The following TP63 variants were observed in gnomAD, a reference collection of about 807,000 sequenced individuals.
TP63 encodes the protein tumor protein p63.
In TP63, 17 loss-of-function variants were observed where a neutral mutation model predicts 82.8. The ratio of observed to expected loss-of-function variants is 0.21; its 90% confidence interval spans 0.14 to 0.31. The LOEUF is 0.31. Ranked by LOEUF, TP63 falls within the 10% of genes least tolerant of loss-of-function variation. TP63 has a pLI of 1.00. For synonymous variants in TP63, 330 were observed against 321.7 expected (o/e 1.03, Z -0.28); for missense variants, 648 against 895.3 (o/e 0.72, Z 3.52).
chr3:189,789,429 AGG>A lies in TP63; in HGVS notation c.325-18841_325-18840del, dbSNP rs535578120. Among the ~76,000 whole-genome samples, 6 of 151,704 alleles carry A rather than the reference AGG, an allele frequency of 4.0e-5. No individual in the cohort carries two copies. The South Asian group carries it at 1.2e-3, about 32-fold the overall frequency. On this transcript the variant is annotated intron_variant, in intron 3 of 13. Transcript: ENST00000264731. ...CAGTGCACTTTCTTATGAAAGAGAC[AGG>A]GAAAGTTTTACCTGTCTGTCTCCTG...
intron 1 of TP63, among the ~76,000 whole-genome samples, chr3:189,682,534 G>A (rs1716010566): frequency 5.6e-5 from 2 of 35,852 alleles, no homozygotes; most frequent in African/African-American, 1.5e-4. Flanking sequence ...TGGTCCTAAG[G>A]GGAAAAAAAA....
At chr3:189,753,210 A>G (rs1237238308) in intron 3 of TP63, among the ~76,000 whole-genome samples, 1 of 152,052 alleles carries the variant, frequency 6.6e-6, no homozygotes, top group African/African-American at 2.4e-5. Flanking sequence ...TTTTCTGTCT[A>G]CTAGTTCTAT....
chr3:189,880,034 T>A, intron 10 of TP63: 1 of 1,610,174 alleles, frequency 6.2e-7, no homozygotes, highest in East Asian at 2.2e-5. Flanking sequence ...TAGGCCTTCA[T>A]TTTTTCTTTT....
intron 4 of TP63, among the ~76,000 whole-genome samples, chr3:189,812,284 CA>C (rs1727654463): frequency 6.6e-6 from 1 of 152,086 alleles, no homozygotes; most frequent in Non-Finnish European, 1.5e-5. Context: ...TCCAGTTCTA[CA>C]AAAATATGGT....
intron 1 of TP63, among the ~76,000 whole-genome samples, chr3:189,736,251 A>C (rs1720586895): frequency 6.6e-6 from 1 of 151,574 alleles, no homozygotes; most frequent in African/African-American, 2.4e-5. Flanking sequence ...TAGGCTTTTT[A>C]AAAACATAGC....
At chr3:189,733,257 G>A (rs1260115337) in intron 1 of TP63, among the ~76,000 whole-genome samples, 2 of 152,156 alleles carry the variant, frequency 1.3e-5, no homozygotes, top group Admixed American at 6.5e-5. Flanking sequence ...TGGAACCAGT[G>A]CTGTTTTTCT....
At chr3:189,814,711 A>G (rs2108655185) in intron 4 of TP63, among the ~76,000 whole-genome samples, 1 of 152,318 alleles carries the variant, frequency 6.6e-6, no homozygotes, top group East Asian at 1.9e-4. Context: ...ATGAATATTC[A>G]TTGTAAGGCA....
At chr3:189,866,285 G>A (rs1717712377) in intron 5 of TP63, among the ~76,000 whole-genome samples, 1 of 152,016 alleles carries the variant, frequency 6.6e-6, no homozygotes, top group South Asian at 2.1e-4. Flanking sequence ...CAGACTTTTG[G>A]GCAGCATTTT....
At chr3:189,881,518 G>C (rs1719910987) in intron 10 of TP63, 3 of 984,980 alleles carry the variant, frequency 3.0e-6, no homozygotes, top group Non-Finnish European at 3.6e-6. Context: ...TTTTGTTTCT[G>C]TCTCTCTCAC....
chr3:189,831,634 A>G (rs17447439), intron 4 of TP63, among the ~76,000 whole-genome samples: 8,015 of 151,080 alleles, frequency 0.053, 234 homozygotes, highest in African/African-American at 0.084. Flanking sequence ...TGATAGCAGC[A>G]TGAAGCTCTT....
intron 4 of TP63, among the ~76,000 whole-genome samples, chr3:189,816,344 T>G (rs565394082): frequency 3.4e-4 from 51 of 152,206 alleles, no homozygotes; most frequent in African/African-American, 1.1e-3. Context: ...ATTGTGGGAT[T>G]GTCGCTCTTG....
chr3:189,801,093 A>T (rs1476863007), intron 3 of TP63, among the ~76,000 whole-genome samples: 3 of 152,278 alleles, frequency 2.0e-5, no homozygotes, highest in African/African-American at 4.8e-5. Context: ...AACATTATTT[A>T]AAAAATATTT....
the TP63 span, among the ~76,000 whole-genome samples, chr3:189,617,997 G>A: frequency 6.6e-5 from 10 of 152,260 alleles, no homozygotes; most frequent in South Asian, 4.1e-4. Context: ...CAAACTGTCT[G>A]TACCCAATAT....
chr3:189,789,737 G>A, intron 3 of TP63: 1 of 1,543,546 alleles, frequency 6.5e-7, no homozygotes, highest in South Asian at 1.2e-5. Context: ...CTCGGGGTGG[G>A]GGGGTTGGCA....
chr3:189,625,922 C>T, the TP63 span, among the ~76,000 whole-genome samples: 3 of 152,114 alleles, frequency 2.0e-5, no homozygotes, highest in Non-Finnish European at 4.4e-5. Context: ...CCTCTTCCTG[C>T]CCCAATTGGC....
chr3:189,611,482 T>C, the TP63 span, among the ~76,000 whole-genome samples: 77 of 152,338 alleles, frequency 5.1e-4, no homozygotes, highest in African/African-American at 1.8e-3. Context: ...CTGAGCCCTG[T>C]ATTTTGTTCC....
In TP63 at chr3:189,873,008, A is replaced by T. The variant is rs367745227; in HGVS notation, c.1349+13A>T. 6.2e-7 allele frequency: 1 copy of T among 1,614,098 alleles called. No individual in the cohort carries two copies. Among genetic ancestry groups the T allele is most frequent in the Non-Finnish European group, 8.5e-7 (1 of 1,179,982 alleles). On this transcript the variant is annotated intron_variant, in intron 10 of 13. Coordinates refer to ENST00000264731, the MANE Select transcript of TP63 (RefSeq NM_003722.5). ...TACTTCAGAAACAGTGAGTGTATCA[A>T]CGTGTCATTTTAGGAGGCATGAGTG... is the stretch of plus-strand genomic sequence containing the variant.
chr3:189,618,983 A>G, the TP63 span, among the ~76,000 whole-genome samples: 10 of 152,282 alleles, frequency 6.6e-5, no homozygotes, highest in African/African-American at 2.4e-4. Context: ...GTTAAAGCCC[A>G]CGTCATAAGA....
chr3:189,785,645 G>C lies in TP63; in HGVS notation c.325-22627G>C, dbSNP rs1006823386. On this transcript the variant is annotated intron_variant, in intron 3 of 13. Coordinates refer to ENST00000264731, the MANE Select transcript of TP63 (RefSeq NM_003722.5). ...ACAGAAGGACAAAAATAGCCAGCTG[G>C]GGTCCACATTTGCTAAGCAAAGTGG... is the stretch of plus-strand genomic sequence containing the variant. Among the ~76,000 whole-genome samples the C allele has an allele frequency of 1.3e-4, 20 of 151,986 alleles. 1 individual carries two copies. Among genetic ancestry groups the C allele is most frequent in the Non-Finnish European group, 2.8e-4 (19 of 67,968 alleles).
Sources: gnomAD v4.1 joint callset for allele counts (sites outside exome capture counted in the v4.1 genomes callset) on GRCh38, gnomAD v4.1.1 for gene constraint, MANE v1.5 for transcripts, NCBI Gene and HGNC (gene_info 2026-07-23, HGNC 2026-07-21) for gene names.